Variants in MARVELD3 observed in about 807,000 individuals in gnomAD.
MARVELD3 encodes the protein MARVEL domain-containing protein 3.
MARVELD3 carries 28 observed loss-of-function variants against 33.5 expected under a neutral mutation model. That is an observed-to-expected ratio of 0.84 (90% confidence interval 0.62 to 1.15). The LOEUF (loss-of-function observed/expected upper bound fraction) is 1.15, where lower values mean the gene tolerates loss of function less well. MARVELD3 is among the 50% of genes most tolerant of loss of function. The probability of loss-of-function intolerance (pLI) is 0.00; values close to 1 mark genes in which losing one functional copy is unlikely to be tolerated. For missense variants in MARVELD3, 582 were observed against 547.6 expected, an observed-to-expected ratio of 1.06 and a Z score of -0.63; for synonymous variants, 241 against 230.4, an observed-to-expected ratio of 1.05 and a Z score of -0.42.
intron 2 of MARVELD3, among the ~76,000 whole-genome samples, chr16:71,630,658 TA>T (rs1267358714): frequency 2.0e-5 from 3 of 150,098 alleles, no homozygotes; most frequent in African/African-American, 7.3e-5. Flanking sequence ...AATATATGTA[TA>T]TATATATATA....
At chr16:71,633,939 C>T (rs1192850650) in intron 2 of MARVELD3, among the ~76,000 whole-genome samples, 1 of 152,128 alleles carries the variant, frequency 6.6e-6, no homozygotes, top group African/African-American at 2.4e-5. Flanking sequence ...CATCCTCCTG[C>T]CGCTCTCTCA....
intron 2 of MARVELD3, among the ~76,000 whole-genome samples, chr16:71,631,591 GC>G (rs2044534092): frequency 1.3e-5 from 2 of 151,996 alleles, no homozygotes; most frequent in Non-Finnish European, 2.9e-5. Flanking sequence ...CTGGGAGGTA[GC>G]GCGTGCCACC....
At chr16:71,628,138 C>A (rs1157191780) in intron 1 of MARVELD3, among the ~76,000 whole-genome samples, 1 of 152,236 alleles carries the variant, frequency 6.6e-6, no homozygotes, top group Non-Finnish European at 1.5e-5. Context: ...ACAGTCAAAG[C>A]TTCGCCCAGG....
downstream of MARVELD3, chr16:71,640,674 ATGT>A (rs777251320): frequency 4.2e-5 from 68 of 1,614,084 alleles, no homozygotes; most frequent in Non-Finnish European, 5.4e-5. Context: ...GAGTCGAACA[ATGT>A]TGTCAGGGAA....
intron 1 of MARVELD3, chr16:71,629,025 G>T: frequency 4.7e-6 from 1 of 214,362 alleles, no homozygotes; most frequent in East Asian, 1.1e-4. Context: ...AGAGTCATGT[G>T]AATGCAAACT....
intron 1 of MARVELD3, among the ~76,000 whole-genome samples, chr16:71,628,361 C>T (rs1454980349): frequency 1.3e-5 from 2 of 152,116 alleles, no homozygotes; most frequent in East Asian, 3.9e-4. Flanking sequence ...ACTGCGAAAC[C>T]CCATCTCTAC....
At chr16:71,638,231 T>A (rs1431733260), downstream of MARVELD3, 1 of 152,244 alleles carries the variant, frequency 6.6e-6, no homozygotes, top group Non-Finnish European at 1.5e-5. Context: ...GTTGGCCTGT[T>A]GGCTTCCTCT....
In MARVELD3 at chr16:71,634,795, G is replaced by T; in HGVS notation, c.1198G>T (p.Glu400Ter). 6.3e-7 allele frequency: 1 copy of T among 1,595,792 alleles called. No homozygotes were observed. The highest frequency in any genetic ancestry group is 8.5e-7 in the Non-Finnish European group (1 of 1,172,708). Residue 400 changes from glutamate to a stop codon, truncating the protein, a stop_gained, in exon 3 of 3, where the codon GAA (glutamate) becomes TAA (stop). Transcript: ENST00000268485. LOFTEE classifies it high-confidence loss of function. ...KLKEKPAEMF[E>*]F ...AAAAGAGAAGCCAGCAGAAATGTTT[G>T]AATTTTAAGGGTTTCTAAAACGCTC...
In MARVELD3 at chr16:71,635,651, A is replaced by G. The variant is rs1419089330; in HGVS notation, c.*848A>G. 3.0e-6 allele frequency: 3 copies of G among 985,150 alleles called. No homozygotes were observed. Among genetic ancestry groups the G allele is most frequent in the Non-Finnish European group, 2.4e-6 (2 of 829,932 alleles). The allele number at this position is 985,150 out of a possible 1,614,324, so 61.0% of individuals were successfully genotyped here. A position where few individuals can be genotyped will look rare whatever the true frequency, so the allele number is the denominator to read the frequency against. ...AAAGTTCATGGAGAGCCACATAGAC[A>G]TGAGACCACACTTCAGCCTGAATTT... On this transcript the variant is annotated 3_prime_UTR_variant, in exon 3 of 3. Transcript: ENST00000268485.
downstream of MARVELD3, chr16:71,640,946 ACAGAAGCGCTACAAAGG>A (rs763254946): frequency 1.2e-5 from 20 of 1,614,088 alleles, no homozygotes; most frequent in South Asian, 3.3e-5. Context: ...GCTACCGAGA[ACAGAAGCGCTACAAAGG>A]CAGCCGAGAA....
chr16:71,631,714 A>C (rs1459745938), intron 2 of MARVELD3, among the ~76,000 whole-genome samples: 2 of 152,140 alleles, frequency 1.3e-5, no homozygotes, highest in Non-Finnish European at 2.9e-5. Context: ...CCAAAGTGCT[A>C]GGATTACAGG....
At chr16:71,629,829 C>T (rs2044511036) in intron 2 of MARVELD3, 1 of 379,728 alleles carries the variant, frequency 2.6e-6, no homozygotes, top group African/African-American at 2.1e-5. Context: ...GAGGAGGGAT[C>T]TTCTGGCGAG....
At chr16:71,638,580 T>G (rs1245605153), downstream of MARVELD3, 1 of 152,236 alleles carries the variant, frequency 6.6e-6, no homozygotes, top group East Asian at 1.9e-4. Flanking sequence ...GAGTGAAATT[T>G]CTCAGTTTAT....
chr16:71,639,521 A>C (rs529216503), downstream of MARVELD3, among the ~76,000 whole-genome samples: 7 of 140,902 alleles, frequency 5.0e-5, no homozygotes, highest in African/African-American at 1.6e-4. Flanking sequence ...ATCTCGGCTC[A>C]CTGAAACCTC....
rs967741806 is a variant in MARVELD3 at position 71,626,400 on chromosome 16, G to T, written c.171G>T (p.Arg57=). 5.8e-6 allele frequency: 9 copies of T among 1,546,444 alleles called. No individual in the cohort carries two copies. The highest frequency in any genetic ancestry group is 1.2e-5 in the South Asian group (1 of 83,862). ...SDGNRRRDGD[R]DPERDQERDG... Reference sequence around the variant, plus strand: ...GGAACCGGCGAAGGGACGGGGACCGGGACCCGGAGAGAGACCAGGAGAGGG... The same window carrying T: ...GGAACCGGCGAAGGGACGGGGACCGTGACCCGGAGAGAGACCAGGAGAGGG... Residue 57 remains arginine, a synonymous_variant, in exon 1 of 3, where the codon CGG becomes CGT. Coordinates refer to ENST00000268485, the MANE Select transcript of MARVELD3 (RefSeq NM_052858.6). The surrounding 1 kb of genome is among the most constrained non-coding windows in gnomAD (Gnocchi z 5.3).
Position 71,635,821 on chromosome 16 carries a change from GC to G in MARVELD3, c.*1019del, listed in dbSNP as rs2044578039. ...CCTGTAAAATTGAAGTTGGAGGTAG[GC>G]GTGGGCTGAGGAAAGAGGAATCAGA... is the stretch of plus-strand genomic sequence containing the variant. On this transcript the variant is annotated 3_prime_UTR_variant, in exon 3 of 3. Coordinates refer to ENST00000268485, the MANE Select transcript of MARVELD3 (RefSeq NM_052858.6). 1 of 985,262 alleles carries G rather than the reference GC, an allele frequency of 1.0e-6. No homozygotes were observed. Among genetic ancestry groups the G allele is most frequent in the African/African-American group, 1.7e-5 (1 of 57,214 alleles). The allele number at this position is 985,262 out of a possible 1,614,324, so 61.0% of individuals were successfully genotyped here. A position where few individuals can be genotyped will look rare whatever the true frequency, so the allele number is the denominator to read the frequency against.
intron 1 of MARVELD3, among the ~76,000 whole-genome samples, chr16:71,628,759 G>C (rs998536818): frequency 6.6e-6 from 1 of 152,054 alleles, no homozygotes; most frequent in Admixed American, 6.6e-5. Flanking sequence ...AAACCTAAGA[G>C]AGACATGATG....
chr16:71,641,160 T>A (rs1453192236), downstream of MARVELD3: 15 of 1,182,690 alleles, frequency 1.3e-5, no homozygotes, highest in Non-Finnish European at 1.6e-5. Context: ...GAGGCAAAGT[T>A]AAAGAATTGA....
At position 71,634,893 on chromosome 16, in the gene MARVELD3, TC is replaced by T; in HGVS notation, c.*92del. On this transcript the variant is annotated 3_prime_UTR_variant, in exon 3 of 3. Coordinates refer to ENST00000268485, the MANE Select transcript of MARVELD3 (RefSeq NM_052858.6). ...CCAAGAATCCCTTGTTGTGGAAGTT[TC>T]CAGTGCTGGAAAAGCAGCGAGCCAG... 1.1e-5 allele frequency: 16 copies of T among 1,511,920 alleles called. No homozygotes were observed. The South Asian group carries it at 2.2e-4, about 21-fold the overall frequency. 93.7% of individuals were successfully genotyped at this position (1,511,920 alleles called of 1,614,324 possible).
Sources: allele counts gnomAD v4.1 joint callset (sites outside exome capture counted in the v4.1 genomes callset), GRCh38; gene constraint gnomAD v4.1.1; non-coding constraint Gnocchi (gnomAD v3.1); transcripts MANE v1.5; gene names NCBI Gene and HGNC (gene_info 2026-07-23, HGNC 2026-07-21).